Variants in FCN1 observed in about 807,000 individuals in gnomAD.
FCN1 encodes the protein ficolin 1, also known as ficolin-1.
Under a neutral mutation model 35.6 loss-of-function variants are expected in FCN1, and 42 were observed. That is an observed-to-expected ratio of 1.18 (90% CI 0.92 to 1.53). FCN1 has a LOEUF of 1.53. Ranked by LOEUF, FCN1 falls within the 40% of genes most tolerant of loss-of-function variation. The pLI is 0.00. For missense variants in FCN1, 439 were observed against 428.4 expected (o/e 1.02, Z -0.22); for synonymous variants, 179 against 169.8 (o/e 1.05, Z -0.42).
In FCN1 at chr9:134,911,043, G is replaced by C. The variant is rs1831016242; in HGVS notation, c.733+90C>G. 6 of 1,338,404 alleles carry C rather than the reference G, an allele frequency of 4.5e-6. No individual in the cohort carries two copies. In the Middle Eastern group the frequency reaches 1.1e-3, roughly 250 times the overall value. The allele number at this position is 1,338,404 out of a possible 1,614,324, so 82.9% of individuals were successfully genotyped here. The stretch of plus-strand genomic sequence containing the variant: ...GATGGAGAAATGGGATTCAGAGAGA[G>C]GAGGGCCCAAGGTCACCAGGGGAGA... On this transcript the variant is annotated intron_variant, in intron 8 of 8. Coordinates refer to ENST00000371806, the MANE Select transcript of FCN1 (RefSeq NM_002003.5).
chr9:134,915,469 G>A (rs2118942972), intron 2 of FCN1, among the ~76,000 whole-genome samples: 1 of 152,302 alleles, frequency 6.6e-6, no homozygotes, highest in Middle Eastern at 3.4e-3. Context: ...AGGGAAGTCT[G>A]AGCCAGACTT....
chr9:134,911,998 C>A (rs905340204), intron 7 of FCN1, among the ~76,000 whole-genome samples: 1 of 152,160 alleles, frequency 6.6e-6, no homozygotes, highest in African/African-American at 2.4e-5. Flanking sequence ...AATGGACCAG[C>A]AATTATACAG....
rs1371915545 is a variant in FCN1, at chr9:134,906,904, C to G, written c.*2894G>C. On this transcript the variant is annotated 3_prime_UTR_variant, in exon 9 of 9. Transcript: ENST00000371806. ...TGGCCAACACGGCGAAACCCCATCT[C>G]TACTAAAAATACAAAAAAATTGCTG... 6 of 152,072 alleles carry G rather than the reference C, an allele frequency of 3.9e-5. No homozygotes were observed. Among genetic ancestry groups the G allele is most frequent in the Admixed American group, 2.6e-4 (4 of 15,270 alleles). 9.4% of individuals were successfully genotyped at this position (152,072 alleles called of 1,614,324 possible).
chr9:134,915,352 GC>G (rs938607939), intron 2 of FCN1, among the ~76,000 whole-genome samples: 9 of 152,300 alleles, frequency 5.9e-5, no homozygotes, highest in African/African-American at 7.2e-5. Flanking sequence ...CCAAGAGGCA[GC>G]CCCCAGCCCG....
rs2274845 is a variant in FCN1, at chr9:134,912,514, A to G, written c.570T>C (p.Asn190=). 1,016,779 of 1,613,102 alleles carry G rather than the reference A, an allele frequency of 0.63. 325,477 individuals carry two copies. The highest frequency in any genetic ancestry group is 0.87 in the African/African-American group (64,949 of 74,950). ...GGGCAGTCAGGGCGTGGATGTTGTC[A>G]TTCCCCAGCCAGAACTCCCCCAGCT... ...GSQLGEFWLG[N]DNIHALTAQG... is the part of the protein sequence containing the mutation. The change falls in exon 7 of 9, where the codon AAT becomes AAC. Residue 190 remains asparagine (N), a synonymous_variant. Transcript: ENST00000371806.
At position 134,904,780 on chromosome 9, in the gene FCN1, AAAAAAT is replaced by A. The variant is rs1369067143; in HGVS notation, c.*5012_*5017del. On this transcript the variant is annotated 3_prime_UTR_variant, in exon 9 of 9. Coordinates refer to ENST00000371806, the MANE Select transcript of FCN1 (RefSeq NM_002003.5). Reference sequence around the variant, plus strand: ...GGGGGACAGAGTGAGACCCTGTTTCAAAAAATAAAAATAAAAAATATATATGAAAGG... The same window carrying A: ...GGGGGACAGAGTGAGACCCTGTTTCAAAAAATAAAAAATATATATGAAAGG... Among the ~76,000 whole-genome samples, 1 of 152,128 alleles carries A rather than the reference AAAAAAT, an allele frequency of 6.6e-6. No individual in the cohort carries two copies. The highest frequency in any genetic ancestry group is 1.5e-5 in the Non-Finnish European group (1 of 68,016).
Position 134,916,335 on chromosome 9 carries a change from G to A in FCN1, c.217+13C>T, listed in dbSNP as rs776116992. 29 of 1,602,262 alleles carry A rather than the reference G, an allele frequency of 1.8e-5. No individual in the cohort carries two copies. In the African/African-American group the frequency reaches 2.4e-4, roughly 13 times the overall value. ...CCTGCCATGCCTGGCCTCCCCACCC[G>A]GCCCGCACCTACCTCTCTCTCCAAT... On this transcript the variant is annotated intron_variant, in intron 2 of 8. Transcript: ENST00000371806.
Position 134,904,906 on chromosome 9 carries a change from T to A in FCN1, c.*4892A>T, listed in dbSNP as rs1830922435. ...TAAAGGGCAACATAAAGTGTAAAAA[T>A]GTGGTAAAAATGAATACGGACTGCA... On this transcript the variant is annotated 3_prime_UTR_variant, in exon 9 of 9. Coordinates refer to ENST00000371806, the MANE Select transcript of FCN1 (RefSeq NM_002003.5). 6.6e-6 allele frequency among the ~76,000 whole-genome samples: 1 copy of A among 151,938 alleles called. No individual in the cohort carries two copies. Among genetic ancestry groups the A allele is most frequent in the South Asian group, 2.1e-4 (1 of 4,822 alleles).
At position 134,909,234 on chromosome 9, in the gene FCN1, G is replaced by A. The variant is rs1455777683; in HGVS notation, c.*564C>T. 3 of 1,289,684 alleles carry A rather than the reference G, an allele frequency of 2.3e-6. No homozygotes were observed. The highest frequency in any genetic ancestry group is 3.0e-5 in the African/African-American group (2 of 65,822). The allele number at this position is 1,289,684 out of a possible 1,614,324, so 79.9% of individuals were successfully genotyped here. ...CCAGCCAGCCCAAAGCATGAACTCT[G>A]CCGTGGTGGGAAGCAGAAAAGTTCC... is the stretch of plus-strand genomic sequence containing the variant. On this transcript the variant is annotated 3_prime_UTR_variant, in exon 9 of 9. Coordinates refer to ENST00000371806, the MANE Select transcript of FCN1 (RefSeq NM_002003.5).
In FCN1 at chr9:134,905,936, TCCC is replaced by T. The variant is rs1463968688; in HGVS notation, c.*3859_*3861del. On this transcript the variant is annotated 3_prime_UTR_variant, in exon 9 of 9. Coordinates refer to ENST00000371806, the MANE Select transcript of FCN1 (RefSeq NM_002003.5). ...CTTCTTCTTCTTCTCCCTCTCCCTCTCCCTCTCCCTCTCCCTCTCCCTCTCCCT... is the reference window on the plus strand; with the variant it reads ...CTTCTTCTTCTTCTCCCTCTCCCTCTTCTCCCTCTCCCTCTCCCTCTCCCT... 7.9e-6 allele frequency: 1 copy of T among 125,860 alleles called. No homozygotes were observed. Among genetic ancestry groups the T allele is most frequent in the Non-Finnish European group, 1.5e-5 (1 of 64,886 alleles). 7.8% of individuals were successfully genotyped at this position (125,860 alleles called of 1,614,324 possible).
chr9:134,914,698 T>C, intron 3 of FCN1, 58 bp downstream of exon 3: 1 of 1,253,418 alleles, frequency 8.0e-7, no homozygotes, highest in Non-Finnish European at 1.2e-6. Context: ...CCTCATTTCA[T>C]TACAGACAGC....
At position 134,912,607 on chromosome 9, in the gene FCN1, C is replaced by G; in HGVS notation, c.477G>C (p.Gln159His). Residue 159 changes from glutamine (Q) to histidine (H), a missense_variant, in exon 7 of 9, where the codon CAG becomes CAC. Physicochemically the swap from Gln to His is conservative, Grantham distance 24. Transcript: ENST00000371806. ...AGTCCACAGAGCCATCCATCCTCCG[C>G]TGGAAAACCTGTGAAGAAGCCAGGA... ...DTDGGGWTVF[Q>H]RRMDGSVDFY... The G allele has an allele frequency of 6.2e-7, 1 of 1,614,186 alleles. No individual in the cohort carries two copies. Among genetic ancestry groups the G allele is most frequent in the Non-Finnish European group, 8.5e-7 (1 of 1,180,014 alleles).
Position 134,904,640 on chromosome 9 carries a change from C to T in FCN1, c.*5158G>A, listed in dbSNP as rs12351750. ...CCAAAAAATACAAAAATTAGCCCAG[C>T]GTAGTGGTGCACACCTGTAGTCCCA... On this transcript the variant is annotated 3_prime_UTR_variant, in exon 9 of 9. Transcript: ENST00000371806. Among the ~76,000 whole-genome samples the T allele has an allele frequency of 0.064, 9,711 of 151,948 alleles. 1,014 individuals are homozygous for T. The highest frequency in any genetic ancestry group is 0.22 in the African/African-American group (9,057 of 41,388).
At position 134,909,271 on chromosome 9, in the gene FCN1, C is replaced by T. The variant is rs781554674; in HGVS notation, c.*527G>A. 3.9e-6 allele frequency: 5 copies of T among 1,289,618 alleles called. No homozygotes were observed. Among genetic ancestry groups the T allele is most frequent in the South Asian group, 3.7e-5 (3 of 81,024 alleles). The allele number at this position is 1,289,618 out of a possible 1,614,324, so 79.9% of individuals were successfully genotyped here. ...AGCAGAAAAGTTCCTACTAAACTTT[C>T]CCCCTTTTTAGTAAGTGTTTTCTGG... On this transcript the variant is annotated 3_prime_UTR_variant, in exon 9 of 9. Transcript: ENST00000371806.
chr9:134,917,789 T>C lies in FCN1; in HGVS notation c.83A>G (p.Gln28Arg), dbSNP rs1211756197. 1 of 1,613,668 alleles carries C rather than the reference T, an allele frequency of 6.2e-7. No homozygotes were observed. The change falls in exon 1 of 9, where the codon CAG becomes CGG. Residue 28 changes from glutamine to arginine, a missense_variant. Transcript: ENST00000371806. Reference protein sequence around the residue: ...LFLHIKNLPAQAADTCPEVKV... With the variant: ...LFLHIKNLPARAADTCPEVKV... ...CTCACCTGGACATGTGTCCGCAGCCTGGGCAGGCAGGTTCTTGATATGCAG... is the reference window on the plus strand; with the variant it reads ...CTCACCTGGACATGTGTCCGCAGCCCGGGCAGGCAGGTTCTTGATATGCAG...
In FCN1 at chr9:134,905,618, G is replaced by A. The variant is rs1830933099; in HGVS notation, c.*4180C>T. Reference sequence around the variant, plus strand: ...CCTGCCTCAGCTTCTCGAGTAGCTGGGACGATAGGCATCCCCCACCATGAA... The same window carrying A: ...CCTGCCTCAGCTTCTCGAGTAGCTGAGACGATAGGCATCCCCCACCATGAA... On this transcript the variant is annotated 3_prime_UTR_variant, in exon 9 of 9. Coordinates refer to ENST00000371806, the MANE Select transcript of FCN1 (RefSeq NM_002003.5). Among the ~76,000 whole-genome samples, 1 of 151,640 alleles carries A rather than the reference G, an allele frequency of 6.6e-6. No homozygotes were observed. Among genetic ancestry groups the A allele is most frequent in the African/African-American group, 2.4e-5 (1 of 41,158 alleles).
intron 6 of FCN1, 116 bp downstream of exon 6, chr9:134,912,900 C>G: frequency 6.7e-7 from 1 of 1,486,302 alleles, no homozygotes; most frequent in Non-Finnish European, 9.0e-7. Context: ...CCCCCATCAT[C>G]TATGATTGTC....
In FCN1 at chr9:134,912,508, GTTGTCA is replaced by G. The variant is rs1318918294; in HGVS notation, c.570_575del (p.Asp191_Asn192del). On this transcript the variant is annotated inframe_deletion, in exon 7 of 9. Transcript: ENST00000371806. ...TACCCTGGGCAGTCAGGGCGTGGAT[GTTGTCA>G]TTCCCCAGCCAGAACTCCCCCAGCT... The G allele has an allele frequency of 2.5e-6, 4 of 1,613,952 alleles. No homozygotes were observed. The African/African-American group carries it at 5.3e-5, about 22-fold the overall frequency.
rs1386506295 is a variant in FCN1, at chr9:134,905,362, C to G, written c.*4436G>C. 2.6e-5 allele frequency among the ~76,000 whole-genome samples: 4 copies of G among 152,200 alleles called. No homozygotes were observed. The highest frequency in any genetic ancestry group is 9.6e-5 in the African/African-American group (4 of 41,456). On this transcript the variant is annotated 3_prime_UTR_variant, in exon 9 of 9. Coordinates refer to ENST00000371806, the MANE Select transcript of FCN1 (RefSeq NM_002003.5). ...GAGCACTGGCCCAAGAGGAGGAGGG[C>G]TTGATTTCTTTTCACCCATTCAGCT...
Sources: allele counts gnomAD v4.1 joint callset (sites outside exome capture counted in the v4.1 genomes callset), GRCh38; gene constraint gnomAD v4.1.1; transcripts MANE v1.5; gene names NCBI Gene and HGNC (gene_info 2026-07-23, HGNC 2026-07-21).